BAHD1: variants seen among roughly 807,000 people sequenced by gnomAD.
The protein encoded by BAHD1 is bromo adjacent homology domain-containing 1 protein.
In BAHD1, 20 loss-of-function variants were observed where a neutral mutation model predicts 63.1. That is an observed-to-expected ratio of 0.32 (90% CI 0.22 to 0.46). BAHD1 has a LOEUF of 0.46. Ranked by LOEUF, BAHD1 falls within the 20% of genes least tolerant of loss-of-function variation. The pLI, the probability that BAHD1 is intolerant of heterozygous loss-of-function variation, is 1.00. For missense variants in BAHD1, 939 were observed against 1,071.8 expected (o/e 0.88, Z 1.73); for synonymous variants, 408 against 426.8 (o/e 0.96, Z 0.54).
rs752866319 is a variant in BAHD1 at position 40,462,239 on chromosome 15, G to A, written c.1760G>A (p.Arg587His). 8 of 1,611,472 alleles carry A rather than the reference G, an allele frequency of 5.0e-6. No homozygotes were observed. Among genetic ancestry groups the A allele is most frequent in the South Asian group, 1.1e-5 (1 of 90,906 alleles). ...RPRPRRRRRRRTNGWVPVGAA... is the reference protein window; with the variant it reads ...RPRPRRRRRRHTNGWVPVGAA... ...CGCCCTCGCCGCCGCCGTCGCCGCC[G>A]CACTAATGGCTGGGTACCTGTTGGG... Residue 587 changes from arginine (R) to histidine (H), a missense_variant, in exon 3 of 7, where the codon CGC becomes CAC. Coordinates refer to ENST00000416165, the MANE Select transcript of BAHD1 (RefSeq NM_014952.5).
At chr15:40,451,749 C>A (rs1893709894) in intron 1 of BAHD1, among the ~76,000 whole-genome samples, 1 of 152,230 alleles carries the variant, frequency 6.6e-6, no homozygotes, top group African/African-American at 2.4e-5. Context: ...ACAAGAGGTG[C>A]TGTGTGCCTG....
upstream of BAHD1, among the ~76,000 whole-genome samples, chr15:40,440,397 G>A (rs1338233340): frequency 4.6e-5 from 7 of 152,040 alleles, no homozygotes; most frequent in African/African-American, 1.7e-4. Context: ...GGAAAGGGGG[G>A]TTGTTCTCGC....
chr15:40,443,239 A>C (rs1893451072), intron 1 of BAHD1: 3 of 984,870 alleles, frequency 3.0e-6, no homozygotes, highest in South Asian at 4.7e-5. Context: ...TAGCATGGGC[A>C]TGGGAGTTTA....
chr15:40,465,388 C>A lies in BAHD1; in HGVS notation c.2106C>A (p.Ala702=). The A allele has an allele frequency of 6.2e-7, 1 of 1,614,190 alleles. No homozygotes were observed. Among genetic ancestry groups the A allele is most frequent in the Non-Finnish European group, 8.5e-7 (1 of 1,180,038 alleles). Residue 702 remains alanine, a synonymous_variant, in exon 6 of 7, where the codon GCC becomes GCA. Coordinates refer to ENST00000416165, the MANE Select transcript of BAHD1 (RefSeq NM_014952.5). ...GACATCAGGACCAGAACAGTGTGGCCTGCATTGAGGAGAAGTGCTATGTGC... is the reference window on the plus strand; with the variant it reads ...GACATCAGGACCAGAACAGTGTGGCATGCATTGAGGAGAAGTGCTATGTGC... ...ASRHQDQNSV[A]CIEEKCYVLT...
At chr15:40,443,453 T>A (rs1394027153) in intron 1 of BAHD1, 1 of 394,504 alleles carries the variant, frequency 2.5e-6, no homozygotes, top group Non-Finnish European at 3.4e-6. Context: ...GGCATGTGAT[T>A]TCTTTTGGTG....
intron 1 of BAHD1, among the ~76,000 whole-genome samples, chr15:40,444,285 C>G (rs1893477471): frequency 6.6e-6 from 1 of 152,114 alleles, no homozygotes; most frequent in Non-Finnish European, 1.5e-5. Context: ...ATTTCCAGCC[C>G]TTTCTGTCAA....
chr15:40,441,754 C>T (rs1382489463), intron 1 of BAHD1, among the ~76,000 whole-genome samples: 1 of 149,930 alleles, frequency 6.7e-6, no homozygotes, highest in African/African-American at 2.4e-5. Context: ...GTCCCCGAGG[C>T]AAGGGGCCGC....
rs1222732042 is a variant in BAHD1 at position 40,463,959 on chromosome 15, A to C, written c.1914A>C (p.Pro638=). 1.2e-6 allele frequency: 2 copies of C among 1,614,218 alleles called. No homozygotes were observed. Among genetic ancestry groups the C allele is most frequent in the South Asian group, 2.2e-5 (2 of 91,088 alleles). ...VRDTVLLKSG[P]RKTSTPYVAK... ...ACACCGTCCTTCTCAAATCAGGCCCACGAAAGACCTCCACACCTTATGTGG... is the reference window on the plus strand; with the variant it reads ...ACACCGTCCTTCTCAAATCAGGCCCCCGAAAGACCTCCACACCTTATGTGG... Residue 638 remains proline, a synonymous_variant, in exon 4 of 7, where the codon CCA becomes CCC. Coordinates refer to ENST00000416165, the MANE Select transcript of BAHD1 (RefSeq NM_014952.5).
chr15:40,445,469 G>A (rs750157048), intron 1 of BAHD1, among the ~76,000 whole-genome samples: 6 of 152,118 alleles, frequency 3.9e-5, no homozygotes. Flanking sequence ...GAGGACTTGT[G>A]TGTTTTCATT....
intron 5 of BAHD1, 66 bp from the exon 6 acceptor site, chr15:40,465,269 C>A: frequency 6.9e-7 from 1 of 1,445,126 alleles, no homozygotes; most frequent in Non-Finnish European, 9.7e-7. Context: ...GGGTTAATGT[C>A]TGCCTTGCTC....
Position 40,459,913 on chromosome 15 carries a change from C to G in BAHD1, c.1432+17C>G, listed in dbSNP as rs1269686794. 3.2e-6 allele frequency: 5 copies of G among 1,559,832 alleles called. No individual in the cohort carries two copies. In the South Asian group the frequency reaches 3.6e-5, roughly 11 times the overall value. On this transcript the variant is annotated intron_variant, in intron 2 of 6. Coordinates refer to ENST00000416165, the MANE Select transcript of BAHD1 (RefSeq NM_014952.5). ...TTGCAGCAGGTGAGGCTTCCTGGGC[C>G]CAAGATGTACTGGGGAGTCTCGGAG...
chr15:40,462,310 T>C lies in BAHD1; in HGVS notation c.1815+16T>C, dbSNP rs376063893. The C allele has an allele frequency of 3.8e-6, 6 of 1,581,622 alleles. No homozygotes were observed. In the African/African-American group the frequency reaches 5.4e-5, roughly 14 times the overall value. On this transcript the variant is annotated intron_variant, in intron 3 of 6. Transcript: ENST00000416165. ...GTATGTCTTGGTAAGTGCTAGCTCT[T>C]AGCTGATGACGAGAGGGAGGGAGGC...
chr15:40,442,782 T>A (rs963732417), intron 1 of BAHD1, among the ~76,000 whole-genome samples: 55 of 152,254 alleles, frequency 3.6e-4, no homozygotes, highest in African/African-American at 1.3e-3. Flanking sequence ...ATAAAAAGCT[T>A]TCCAGTCCTT....
chr15:40,462,372 G>A, intron 3 of BAHD1, 78 bp downstream of exon 3: 1 of 1,505,322 alleles, frequency 6.6e-7, no homozygotes, highest in East Asian at 2.3e-5. Context: ...GTAGGTGCTA[G>A]AAGCACCTGG....
chr15:40,451,955 T>A (rs1893717429), intron 1 of BAHD1, among the ~76,000 whole-genome samples: 1 of 152,234 alleles, frequency 6.6e-6, no homozygotes, highest in East Asian at 1.9e-4. Flanking sequence ...TTAAAGTTCG[T>A]AAGGCAGAAC....
upstream of BAHD1, among the ~76,000 whole-genome samples, chr15:40,438,782 C>A (rs1051947408): frequency 6.6e-6 from 1 of 152,234 alleles, no homozygotes; most frequent in Non-Finnish European, 1.5e-5. Flanking sequence ...TCCTTCCCTG[C>A]CACCAGGTAC....
chr15:40,444,366 T>C (rs1038723923), intron 1 of BAHD1, among the ~76,000 whole-genome samples: 2 of 152,222 alleles, frequency 1.3e-5, no homozygotes, highest in Non-Finnish European at 2.9e-5. Flanking sequence ...ATATTTCTGC[T>C]GGTGAAGAGT....
rs561568626 is a variant in BAHD1 at position 40,464,625 on chromosome 15, G to A, written c.2052+78G>A. ...TTATGGCACTAAGACGTGGTAGGGGGAGGGCAGCCATGGGCTGTAGTCAAA... is the reference window on the plus strand; with the variant it reads ...TTATGGCACTAAGACGTGGTAGGGGAAGGGCAGCCATGGGCTGTAGTCAAA... On this transcript the variant is annotated intron_variant, in intron 5 of 6. Coordinates refer to ENST00000416165, the MANE Select transcript of BAHD1 (RefSeq NM_014952.5). 7.8e-6 allele frequency: 10 copies of A among 1,276,958 alleles called. No individual in the cohort carries two copies. In the East Asian group the frequency reaches 2.5e-4, roughly 31 times the overall value. 79.1% of individuals were successfully genotyped at this position (1,276,958 alleles called of 1,614,324 possible).
intron 1 of BAHD1, chr15:40,453,766 A>T (rs1893771632): frequency 6.6e-6 from 1 of 152,300 alleles, no homozygotes; most frequent in South Asian, 2.1e-4. Context: ...CCTGGACAAC[A>T]TAGTGAGGCC....
Sources: gnomAD v4.1 joint callset for allele counts (sites outside exome capture counted in the v4.1 genomes callset) on GRCh38, gnomAD v4.1.1 for gene constraint, MANE v1.5 for transcripts, NCBI Gene and HGNC (gene_info 2026-07-23, HGNC 2026-07-21) for gene names.